IQCH: variants seen among roughly 807,000 people sequenced by gnomAD.
IQCH encodes IQ motif containing H, also known as IQ domain-containing protein H.
Under a neutral mutation model 117.0 loss-of-function variants are expected in IQCH, and 98 were observed. That is an observed-to-expected ratio of 0.84 (90% CI 0.71 to 0.99). IQCH has a LOEUF of 0.99. Among genes scored for constraint, IQCH ranks in the 50% least tolerant of loss-of-function variants. IQCH has a pLI of 0.00. For missense variants in IQCH, 1,102 were observed against 1,243.8 expected (o/e 0.89, Z 1.72); for synonymous variants, 412 against 448.2 (o/e 0.92, Z 1.02).
Position 67,411,633 on chromosome 15 carries a change from ATGTG to A in IQCH, c.2098-5294_2098-5291del, listed in dbSNP as rs1457550147. Among the ~76,000 whole-genome samples, 3 of 152,124 alleles carry A rather than the reference ATGTG, an allele frequency of 2.0e-5. No homozygotes were observed. The highest frequency in any genetic ancestry group is 2.1e-4 in the South Asian group (1 of 4,806). On this transcript the variant is annotated intron_variant, in intron 14 of 20. Transcript: ENST00000335894. This position sits in a 1 kb window ranked among gnomAD's most constrained non-coding sequence, Gnocchi z 4.4. The stretch of plus-strand genomic sequence containing the variant: ...CCCAATTACACCAATGTGTGTCTGT[ATGTG>A]TGTATGTGTGTGTAATACACACACA...
chr15:67,348,375 A>ACG (rs1402855628), intron 6 of IQCH, among the ~76,000 whole-genome samples: 1 of 151,772 alleles, frequency 6.6e-6, no homozygotes, highest in Non-Finnish European at 1.5e-5. Context: ...ACACACACAC[A>ACG]CACACGCACA....
chr15:67,345,245 C>A (rs530209325), intron 6 of IQCH, among the ~76,000 whole-genome samples: 1 of 152,236 alleles, frequency 6.6e-6, no homozygotes, highest in African/African-American at 2.4e-5. Flanking sequence ...CCCGCCTTGG[C>A]CTACCAAAGT....
Position 67,416,882 on chromosome 15 carries a change from C to T in IQCH, c.2098-49C>T, listed in dbSNP as rs375593677. ...TTTTAATCACTCCACAAGCAGTTTT[C>T]ATTTCTGTAGTAAAATTGCTTGTGG... On this transcript the variant is annotated intron_variant, in intron 14 of 20. Coordinates refer to ENST00000335894, the MANE Select transcript of IQCH (RefSeq NM_001031715.3). The surrounding 1 kb of genome is among the most constrained non-coding windows in gnomAD (Gnocchi z 5.1). 2 of 1,496,640 alleles carry T rather than the reference C, an allele frequency of 1.3e-6. No individual in the cohort carries two copies. The highest frequency in any genetic ancestry group is 1.8e-6 in the Non-Finnish European group (2 of 1,119,564). 92.7% of individuals were successfully genotyped at this position (1,496,640 alleles called of 1,614,324 possible).
chr15:67,446,549 G>A (rs538807381), intron 16 of IQCH, among the ~76,000 whole-genome samples: 2 of 152,274 alleles, frequency 1.3e-5, no homozygotes, highest in East Asian at 3.9e-4. Flanking sequence ...CAGCCTCTGG[G>A]GTGGAGCTCA....
At position 67,403,898 on chromosome 15, in the gene IQCH, G is replaced by T. The variant is rs926481929; in HGVS notation, c.2097+3593G>T. The T allele has an allele frequency of 3.3e-5, 5 of 152,180 alleles. No homozygotes were observed. Among genetic ancestry groups the T allele is most frequent in the African/African-American group, 1.2e-4 (5 of 41,434 alleles). 9.4% of individuals were successfully genotyped at this position (152,180 alleles called of 1,614,324 possible). On this transcript the variant is annotated intron_variant, in intron 14 of 20. Transcript: ENST00000335894. The surrounding 1 kb of genome is among the most constrained non-coding windows in gnomAD (Gnocchi z 4.8). Reference sequence around the variant, plus strand: ...AAGAGATCTTTGTAGAACAATTTCTGTGTGTAAAGAACTAAGCCAGTTTAC... The same window carrying T: ...AAGAGATCTTTGTAGAACAATTTCTTTGTGTAAAGAACTAAGCCAGTTTAC...
Position 67,350,413 on chromosome 15 carries a change from ATTGTTTTTGTTTTT to A in IQCH, c.637+6240_637+6253del, listed in dbSNP as rs572715768. On this transcript the variant is annotated intron_variant, in intron 6 of 20. Coordinates refer to ENST00000335894, the MANE Select transcript of IQCH (RefSeq NM_001031715.3). ...TGCAGGAATTTTGGCAGGTATTGGA[ATTGTTTTTGTTTTT>A]TTGTTTTTGTTTTTTTGAGAATGGA... 3.4e-3 allele frequency among the ~76,000 whole-genome samples: 523 copies of A among 151,868 alleles called. 16 individuals are homozygous for A. Among genetic ancestry groups the A allele is most frequent in the South Asian group, 4.4e-3 (21 of 4,808 alleles).
Position 67,384,123 on chromosome 15 carries a change from A to T in IQCH, c.1373-813A>T, listed in dbSNP as rs184108816. 3.3e-5 allele frequency among the ~76,000 whole-genome samples: 5 copies of T among 152,320 alleles called. No individual in the cohort carries two copies. The East Asian group carries it at 9.6e-4, about 29-fold the overall frequency. ...CTTCAAAATGTGAAAAGCAATTTTA[A>T]TGAAGAAAAAAAAAGTTACACCTAC... On this transcript the variant is annotated intron_variant, in intron 10 of 20. Coordinates refer to ENST00000335894, the MANE Select transcript of IQCH (RefSeq NM_001031715.3). The surrounding 1 kb of genome is among the most constrained non-coding windows in gnomAD (Gnocchi z 4.3).
intron 14 of IQCH, among the ~76,000 whole-genome samples, chr15:67,409,508 C>T (rs1050648966): frequency 6.6e-6 from 1 of 152,152 alleles, no homozygotes; most frequent in African/African-American, 2.4e-5. Context: ...GGACAAAACG[C>T]TTCTCGAGTC....
At chr15:67,486,723 G>A (rs567284570) in intron 18 of IQCH, among the ~76,000 whole-genome samples, 1 of 152,054 alleles carries the variant, frequency 6.6e-6, no homozygotes, top group South Asian at 2.1e-4. Context: ...TTGGAGCAAC[G>A]TTTTTTAAAA....
chr15:67,325,161 T>G (rs1021316107), intron 4 of IQCH, among the ~76,000 whole-genome samples: 1 of 152,174 alleles, frequency 6.6e-6, no homozygotes, highest in African/African-American at 2.4e-5. Flanking sequence ...TCAAGTTCCC[T>G]ACCCTTTCTT....
chr15:67,489,954 G>T, intron 18 of IQCH, 49 bp from the exon 19 acceptor site: 6 of 1,286,198 alleles, frequency 4.7e-6, no homozygotes, highest in Middle Eastern at 1.9e-4. Context: ...TCTGTACTTT[G>T]TTTCTGAGAT....
intron 4 of IQCH, among the ~76,000 whole-genome samples, chr15:67,321,847 A>G (rs1427974165): frequency 3.3e-5 from 5 of 152,126 alleles, no homozygotes. Flanking sequence ...TACAGTTTCA[A>G]TCTTTTGAAA....
intron 4 of IQCH, among the ~76,000 whole-genome samples, chr15:67,336,410 A>G (rs1236106470): frequency 1.3e-5 from 2 of 152,226 alleles, no homozygotes; most frequent in Non-Finnish European, 2.9e-5. Context: ...AACAATTCAT[A>G]TTTTGTAACT....
At chr15:67,274,124 A>G (rs982027905) in intron 3 of IQCH, among the ~76,000 whole-genome samples, 10 of 151,984 alleles carry the variant, frequency 6.6e-5, no homozygotes, top group Non-Finnish European at 1.3e-4. Context: ...TGAGAGTTTG[A>G]TTAGTATATG....
intron 4 of IQCH, among the ~76,000 whole-genome samples, chr15:67,328,376 C>A (rs895515661): frequency 1.3e-5 from 2 of 152,058 alleles, no homozygotes; most frequent in African/African-American, 4.8e-5. Flanking sequence ...TCTTTTTCTT[C>A]TTCAGTTGAG....
Position 67,445,431 on chromosome 15 carries a change from T to G in IQCH, c.2506-19696T>G, listed in dbSNP as rs1243716642. ...CCTATCCCACCCCAGAGTACCTACC[T>G]CATGTCTGGTTTTTTTGTTTGTTTT... is the stretch of plus-strand genomic sequence containing the variant. On this transcript the variant is annotated intron_variant, in intron 16 of 20. Transcript: ENST00000335894. The surrounding 1 kb of genome is among the most constrained non-coding windows in gnomAD (Gnocchi z 4.3). Among the ~76,000 whole-genome samples the G allele has an allele frequency of 6.7e-6, 1 of 149,772 alleles. No individual in the cohort carries two copies. Among genetic ancestry groups the G allele is most frequent in the Non-Finnish European group, 1.5e-5 (1 of 67,362 alleles).
intron 8 of IQCH, among the ~76,000 whole-genome samples, chr15:67,363,236 T>A (rs1294566944): frequency 1.1e-4 from 4 of 36,730 alleles, no homozygotes; most frequent in African/African-American, 4.8e-4. Flanking sequence ...CAAATCTTGA[T>A]TTTTTTTTTT....
chr15:67,485,751 C>T lies in IQCH; in HGVS notation c.2800-4252C>T, dbSNP rs149945301. Among the ~76,000 whole-genome samples the T allele has an allele frequency of 7.8e-3, 1,185 of 152,210 alleles. 11 individuals carry two copies. Among genetic ancestry groups the T allele is most frequent in the African/African-American group, 0.025 (1,048 of 41,530 alleles). On this transcript the variant is annotated intron_variant, in intron 18 of 20. Transcript: ENST00000335894. Reference sequence around the variant, plus strand: ...TTGGCTCACTGCAACCTCCGCCTTCCGGGTTCAAGCAGTTCTCCTGCCTCA... The same window carrying T: ...TTGGCTCACTGCAACCTCCGCCTTCTGGGTTCAAGCAGTTCTCCTGCCTCA...
At chr15:67,489,417 C>G (rs1299727573) in intron 18 of IQCH, among the ~76,000 whole-genome samples, 2 of 152,048 alleles carry the variant, frequency 1.3e-5, no homozygotes, top group Non-Finnish European at 2.9e-5. Context: ...CCTCTGCCTC[C>G]CAGGTTCAAG....
Sources: gnomAD v4.1 joint callset for allele counts (sites outside exome capture counted in the v4.1 genomes callset) on GRCh38, gnomAD v4.1.1 for gene constraint, Gnocchi (gnomAD v3.1) non-coding constraint, MANE v1.5 for transcripts, NCBI Gene and HGNC (gene_info 2026-07-23, HGNC 2026-07-21) for gene names.